SPECC1L: variants seen among roughly 807,000 people sequenced by gnomAD.
SPECC1L encodes the protein cytospin-A.
Under a neutral mutation model 116.8 loss-of-function variants are expected in SPECC1L, and 40 were observed. The observed-to-expected ratio is 0.34, with a 90% CI of 0.27 to 0.45. The LOEUF (loss-of-function observed/expected upper bound fraction) is 0.45, where lower values mean the gene tolerates loss of function less well. SPECC1L is among the 20% of genes least tolerant of loss of function. The probability of loss-of-function intolerance (pLI) is 1.00; values close to 1 mark genes in which losing one functional copy is unlikely to be tolerated. For missense variants in SPECC1L, 1,110 were observed against 1,373.6 expected, an observed-to-expected ratio of 0.81 and a Z score of 3.03; for synonymous variants, 504 against 500.6, an observed-to-expected ratio of 1.01 and a Z score of -0.09.
rs1044076674 is a variant in SPECC1L, at chr22:24,417,327, T to G, written c.*2704T>G. 3 of 152,404 alleles carry G rather than the reference T, an allele frequency of 2.0e-5. No individual in the cohort carries two copies. The highest frequency in any genetic ancestry group is 4.4e-5 in the Non-Finnish European group (3 of 68,034). 9.4% of individuals were successfully genotyped at this position (152,404 alleles called of 1,614,324 possible). On this transcript the variant is annotated 3_prime_UTR_variant, in exon 17 of 17. Transcript: ENST00000314328. ...TCGCATAAACCAGAACCCAGCTCCCTCCTGGGACTGGCTGTGGAGAGAAGG... is the reference window on the plus strand; with the variant it reads ...TCGCATAAACCAGAACCCAGCTCCCGCCTGGGACTGGCTGTGGAGAGAAGG...
chr22:24,368,525 C>G (rs1601293572), intron 13 of SPECC1L, among the ~76,000 whole-genome samples: 1 of 152,220 alleles, frequency 6.6e-6, no homozygotes, highest in African/African-American at 2.4e-5. Flanking sequence ...CCATTGTAGA[C>G]TTCTTAAAGG....
intron 14 of SPECC1L, among the ~76,000 whole-genome samples, chr22:24,384,071 T>C (rs2042115469): frequency 6.7e-6 from 1 of 149,828 alleles, no homozygotes; most frequent in African/African-American, 2.5e-5. Flanking sequence ...CAGTAAGAAA[T>C]ATCCACAGTG....
intron 11 of SPECC1L, among the ~76,000 whole-genome samples, chr22:24,362,877 T>G (rs532646720): frequency 1.4e-3 from 219 of 152,348 alleles, no homozygotes; most frequent in Non-Finnish European, 2.5e-3. Flanking sequence ...TATATTAATG[T>G]GTGTAGCTTC....
At chr22:24,372,608 A>G (rs1210098412) in intron 14 of SPECC1L, among the ~76,000 whole-genome samples, 2 of 152,250 alleles carry the variant, frequency 1.3e-5, no homozygotes, top group African/African-American at 4.8e-5. Flanking sequence ...TAAATTAGGT[A>G]TTGATGGGAC....
chr22:24,294,340 T>G (rs2146377373), intron 2 of SPECC1L, among the ~76,000 whole-genome samples: 1 of 148,920 alleles, frequency 6.7e-6, no homozygotes. Flanking sequence ...TGTTTATTCC[T>G]GTAGACTGTG....
At chr22:24,271,118 G>GC (rs34394584) in intron 1 of SPECC1L, 135 bp downstream of exon 1, 1 of 152,590 alleles carries the variant, frequency 6.6e-6, no homozygotes, top group Non-Finnish European at 1.5e-5. Context: ...CTGCTCCTGG[G>GC]CCCCTCCAGT....
At chr22:24,383,706 G>A (rs571323941) in intron 14 of SPECC1L, among the ~76,000 whole-genome samples, 2 of 149,654 alleles carry the variant, frequency 1.3e-5, no homozygotes, top group East Asian at 2.0e-4. Flanking sequence ...GTGCGATCTC[G>A]GCTTACTGCA....
intron 14 of SPECC1L, among the ~76,000 whole-genome samples, chr22:24,387,871 A>G (rs2042189825): frequency 6.6e-6 from 1 of 152,040 alleles, no homozygotes; most frequent in African/African-American, 2.4e-5. Flanking sequence ...TTTAGGGGAG[A>G]ATCTATTTCC....
At position 24,321,819 on chromosome 22, in the gene SPECC1L, A is replaced by T; in HGVS notation, c.839A>T (p.Gln280Leu). 1 of 1,614,242 alleles carries T rather than the reference A, an allele frequency of 6.2e-7. No homozygotes were observed. Among genetic ancestry groups the T allele is most frequent in the Non-Finnish European group, 8.5e-7 (1 of 1,180,036 alleles). The change falls in exon 5 of 17, where the codon CAG (glutamine) becomes CTG (leucine). Residue 280 changes from glutamine (Q) to leucine (L), a missense_variant. This residue lies in a region of SPECC1L where 437 missense variants were observed against 482.6 expected (regional missense o/e 0.91). Transcript: ENST00000314328. ...RLNALGFSLE[Q>L]RLDNSEKLFG... ...AATGCATTGGGCTTTTCCCTAGAGC[A>T]GAGGTTAGACAATTCTGAAAAACTG...
At chr22:24,355,403 A>G (rs1267593292) in intron 11 of SPECC1L, among the ~76,000 whole-genome samples, 1 of 151,910 alleles carries the variant, frequency 6.6e-6, no homozygotes, top group African/African-American at 2.4e-5. Context: ...ATGTATATGT[A>G]CCAACTCATG....
chr22:24,405,620 A>C (rs1228792603), intron 14 of SPECC1L, among the ~76,000 whole-genome samples: 3 of 152,096 alleles, frequency 2.0e-5, no homozygotes, highest in Non-Finnish European at 4.4e-5. Flanking sequence ...TGGACAGATC[A>C]CCTGAGGTCA....
intron 14 of SPECC1L, among the ~76,000 whole-genome samples, chr22:24,395,135 CTTAATT>C (rs1489093658): frequency 2.6e-5 from 4 of 152,150 alleles, no homozygotes; most frequent in African/African-American, 4.8e-5. Context: ...GCCAGAAATT[CTTAATT>C]TTAATAACAT....
intron 4 of SPECC1L, among the ~76,000 whole-genome samples, chr22:24,321,016 G>A (rs950453539): frequency 7.2e-5 from 11 of 152,184 alleles, no homozygotes; most frequent in African/African-American, 2.7e-4. Flanking sequence ...CAGCTTTGTA[G>A]AAATGTAATT....
chr22:24,346,238 G>A (rs908949713), intron 10 of SPECC1L, among the ~76,000 whole-genome samples: 14 of 152,070 alleles, frequency 9.2e-5, no homozygotes, highest in Non-Finnish European at 1.9e-4. Flanking sequence ...AAACTCCTGA[G>A]ATCATGATCC....
At chr22:24,389,611 A>G (rs2042227878) in intron 14 of SPECC1L, among the ~76,000 whole-genome samples, 1 of 144,166 alleles carries the variant, frequency 6.9e-6, no homozygotes. Context: ...ATTCTTTTTT[A>G]TTTTCCCTAC....
chr22:24,341,414 C>T (rs1048447128), intron 10 of SPECC1L, among the ~76,000 whole-genome samples: 7 of 152,296 alleles, frequency 4.6e-5, no homozygotes, highest in South Asian at 2.1e-4. Context: ...TCCCACCAGC[C>T]GCTGTGGAGA....
chr22:24,271,053 CTGCCGCGCCCGG>C (rs1050856458), intron 1 of SPECC1L, 70 bp downstream of exon 1: 6 of 152,490 alleles, frequency 3.9e-5, no homozygotes, highest in African/African-American at 7.2e-5. Flanking sequence ...GCCGCCCGCG[CTGCCGCGCCCGG>C]GCGTCCCCGC....
chr22:24,342,655 A>T (rs965012522), intron 10 of SPECC1L, among the ~76,000 whole-genome samples: 4 of 148,208 alleles, frequency 2.7e-5, no homozygotes, highest in Non-Finnish European at 5.9e-5. Context: ...CCTGGGCTAC[A>T]GAGCAGGACT....
chr22:24,352,035 T>A (rs554432855), intron 11 of SPECC1L, among the ~76,000 whole-genome samples: 39 of 152,146 alleles, frequency 2.6e-4, no homozygotes, highest in Admixed American at 3.3e-4. Context: ...TTTTTTTTTT[T>A]AAATCTATTA....
Sources: allele counts gnomAD v4.1 joint callset (sites outside exome capture counted in the v4.1 genomes callset), GRCh38; gene constraint gnomAD v4.1.1; regional missense constraint gnomAD v4.1.1; transcripts MANE v1.5; gene names NCBI Gene and HGNC (gene_info 2026-07-23, HGNC 2026-07-21).